Variants in ACOXL observed in about 807,000 individuals in gnomAD.
ACOXL encodes the protein acyl-CoA oxidase like.
A neutral mutation model predicts 71.9 loss-of-function variants in ACOXL; 70 were observed. The observed-to-expected ratio is 0.97, with a 90% CI of 0.80 to 1.19. The LOEUF is 1.19. ACOXL is among the 50% of genes most tolerant of loss of function. The pLI is 0.00. For synonymous variants in ACOXL, 253 were observed against 281.6 expected, an observed-to-expected ratio of 0.90 and a Z score of 1.02; for missense variants, 703 against 736.3, an observed-to-expected ratio of 0.95 and a Z score of 0.52.
intron 10 of ACOXL, among the ~76,000 whole-genome samples, chr2:110,849,353 A>G (rs1485634967): frequency 6.6e-6 from 1 of 152,252 alleles, no homozygotes; most frequent in African/African-American, 2.4e-5. Flanking sequence ...ACTTTCAAAG[A>G]CTAAGACATC....
intron 16 of ACOXL, among the ~76,000 whole-genome samples, chr2:111,053,906 G>A (rs1015658218): frequency 6.6e-6 from 1 of 152,192 alleles, no homozygotes; most frequent in Admixed American, 6.5e-5. Flanking sequence ...GCCCTTGCTG[G>A]TAAATGCTTC....
intron 12 of ACOXL, among the ~76,000 whole-genome samples, chr2:110,979,871 G>A (rs1371976891): frequency 1.3e-5 from 2 of 152,172 alleles, no homozygotes; most frequent in African/African-American, 4.8e-5. Flanking sequence ...GGGGAACATT[G>A]GTTCAGGCTT....
chr2:110,828,335 A>C (rs967792725), intron 9 of ACOXL, among the ~76,000 whole-genome samples: 9 of 152,174 alleles, frequency 5.9e-5, no homozygotes, highest in African/African-American at 2.2e-4. Context: ...ACAGGGTTCT[A>C]ATGTGCATAT....
chr2:110,937,442 C>T (rs776166317), intron 12 of ACOXL, among the ~76,000 whole-genome samples: 3 of 152,152 alleles, frequency 2.0e-5, no homozygotes, highest in Non-Finnish European at 4.4e-5. Context: ...GGATGAAACA[C>T]GATGTACATT....
chr2:110,999,224 A>T (rs12991739), intron 14 of ACOXL, among the ~76,000 whole-genome samples: 2,522 of 152,170 alleles, frequency 0.017, 24 homozygotes, highest in South Asian at 0.021. Context: ...ATGGCCATCC[A>T]TCCATGCACC....
intron 1 of ACOXL, among the ~76,000 whole-genome samples, chr2:110,738,219 G>A (rs1195629375): frequency 6.6e-6 from 1 of 152,250 alleles, no homozygotes; most frequent in Non-Finnish European, 1.5e-5. Context: ...CTATTTCTGA[G>A]ATGGGAACTC....
chr2:110,833,918 T>C (rs1384911613), intron 9 of ACOXL, among the ~76,000 whole-genome samples: 3 of 152,182 alleles, frequency 2.0e-5, no homozygotes, highest in Non-Finnish European at 2.9e-5. Context: ...TGTCTTGGGT[T>C]TTGACTCTTG....
At chr2:110,737,354 T>TA (rs1216816553) in intron 1 of ACOXL, among the ~76,000 whole-genome samples, 1 of 152,234 alleles carries the variant, frequency 6.6e-6, no homozygotes, top group Non-Finnish European at 1.5e-5. Context: ...GGCTTACTCT[T>TA]ATAGAAAACG....
At chr2:110,941,639 G>C (rs1304945018) in intron 12 of ACOXL, among the ~76,000 whole-genome samples, 2 of 152,064 alleles carry the variant, frequency 1.3e-5, no homozygotes, top group African/African-American at 4.8e-5. Flanking sequence ...TTAGAAACAA[G>C]GCAAGTAAAG....
At chr2:110,986,552 A>G (rs2062941563) in intron 12 of ACOXL, among the ~76,000 whole-genome samples, 1 of 152,190 alleles carries the variant, frequency 6.6e-6, no homozygotes, top group South Asian at 2.1e-4. Flanking sequence ...GTTGTTGCTA[A>G]CCATCAGCTG....
intron 16 of ACOXL, among the ~76,000 whole-genome samples, chr2:111,075,616 G>T (rs1250933847): frequency 6.6e-6 from 1 of 151,106 alleles, no homozygotes; most frequent in Non-Finnish European, 1.5e-5. Context: ...CAGTTGCTTT[G>T]GGTTTTACTC....
chr2:110,781,389 C>T (rs1573484302), intron 2 of ACOXL, among the ~76,000 whole-genome samples: 1 of 151,838 alleles, frequency 6.6e-6, no homozygotes, highest in Non-Finnish European at 1.5e-5. Flanking sequence ...CGCCTGTAAT[C>T]CCAGCACTTT....
intron 2 of ACOXL, among the ~76,000 whole-genome samples, chr2:110,773,094 G>A (rs751630676): frequency 1.3e-5 from 2 of 152,172 alleles, no homozygotes; most frequent in Non-Finnish European, 2.9e-5. Flanking sequence ...GATCTAAATC[G>A]TCTACTATTT....
intron 11 of ACOXL, among the ~76,000 whole-genome samples, chr2:110,931,813 C>T (rs2060487891): frequency 6.6e-6 from 1 of 152,212 alleles, no homozygotes; most frequent in Non-Finnish European, 1.5e-5. Flanking sequence ...AATTATTACA[C>T]ACCGCTGGTA....
At chr2:111,026,957 T>TA (rs1189293019) in intron 14 of ACOXL, among the ~76,000 whole-genome samples, 2 of 151,266 alleles carry the variant, frequency 1.3e-5, no homozygotes, top group African/African-American at 4.9e-5. Flanking sequence ...AGTGCAGTGA[T>TA]ACGATCATGG....
chr2:111,031,804 C>T (rs530352589), intron 15 of ACOXL, 90 bp downstream of exon 15: 1 of 1,307,680 alleles, frequency 7.6e-7, no homozygotes, highest in Admixed American at 1.7e-5. Flanking sequence ...AAGGACAGTC[C>T]CAACACACAG....
intron 10 of ACOXL, among the ~76,000 whole-genome samples, chr2:110,843,938 C>T (rs544931971): frequency 6.6e-6 from 1 of 152,360 alleles, no homozygotes; most frequent in East Asian, 1.9e-4. Context: ...TCTCCTGAGG[C>T]TGCCTTGCAA....
intron 10 of ACOXL, among the ~76,000 whole-genome samples, chr2:110,861,890 C>A (rs1693999891): frequency 6.6e-6 from 1 of 152,152 alleles, no homozygotes; most frequent in Admixed American, 6.5e-5. Flanking sequence ...CTCCGGGTGA[C>A]CCCCGCAGAA....
At chr2:110,819,959 A>G (rs1291838715) in intron 9 of ACOXL, among the ~76,000 whole-genome samples, 3 of 152,174 alleles carry the variant, frequency 2.0e-5, no homozygotes, top group Non-Finnish European at 1.5e-5. Flanking sequence ...TCTGAACTAA[A>G]TACAACATCC....
Sources: allele counts gnomAD v4.1 joint callset (sites outside exome capture counted in the v4.1 genomes callset), GRCh38; gene constraint gnomAD v4.1.1; transcripts MANE v1.5; gene names NCBI Gene and HGNC (gene_info 2026-07-23, HGNC 2026-07-21).